CENPP: variants seen among roughly 807,000 people sequenced by gnomAD.
CENPP encodes centromere protein P.
CENPP carries 24 observed loss-of-function variants against 35.6 expected under a neutral mutation model. That is an observed-to-expected ratio of 0.67 (90% confidence interval 0.49 to 0.95). The LOEUF is 0.95. CENPP is among the 40% of genes least tolerant of loss of function. The pLI is 0.00. For missense variants in CENPP, 332 were observed against 345.3 expected, an observed-to-expected ratio of 0.96 and a Z score of 0.31; for synonymous variants, 120 against 125.5, an observed-to-expected ratio of 0.96 and a Z score of 0.29.
chr9:92,522,549 GTC>G (rs771860993), intron 5 of CENPP: 3 of 1,548,224 alleles, frequency 1.9e-6, no homozygotes, highest in Non-Finnish European at 2.6e-6. Flanking sequence ...CCCTCTTTCT[GTC>G]TCTCTCTCAT....
At chr9:92,486,903 T>C (rs1041634060) in intron 5 of CENPP, among the ~76,000 whole-genome samples, 2 of 151,796 alleles carry the variant, frequency 1.3e-5, no homozygotes, top group Non-Finnish European at 2.9e-5. Context: ...TGCCTCAGCC[T>C]CCTGAGTAGC....
chr9:92,490,994 G>T (rs1375125710), intron 5 of CENPP, among the ~76,000 whole-genome samples: 1 of 152,112 alleles, frequency 6.6e-6, no homozygotes, highest in Non-Finnish European at 1.5e-5. Context: ...AGCTGAACCA[G>T]TTTTGACTGG....
chr9:92,446,811 T>TAA (rs1844562963), intron 5 of CENPP, among the ~76,000 whole-genome samples: 1 of 95,154 alleles, frequency 1.1e-5, no homozygotes. Flanking sequence ...ACTCTGTCTC[T>TAA]TAAAAAAAAA....
chr9:92,326,884 A>AT (rs1840544465), intron 1 of CENPP, among the ~76,000 whole-genome samples: 2 of 152,188 alleles, frequency 1.3e-5, no homozygotes, highest in Non-Finnish European at 2.9e-5. Flanking sequence ...AAAGAATGGG[A>AT]TTTTTCCTGA....
intron 5 of CENPP, among the ~76,000 whole-genome samples, chr9:92,497,874 TA>T (rs71362393): frequency 0.08 from 10,837 of 134,848 alleles, 592 homozygotes; most frequent in African/African-American, 0.16. Flanking sequence ...GCTGGTTGTT[TA>T]AAAAAAAAAA....
At chr9:92,325,661 T>G, upstream of CENPP, 1 of 296,982 alleles carries the variant, frequency 3.4e-6, no homozygotes, top group Non-Finnish European at 6.4e-6. Flanking sequence ...GCCTCTTTAG[T>G]GAGGCACGCG....
chr9:92,476,918 C>T lies in CENPP; in HGVS notation c.564+97059C>T, dbSNP rs781706096. Among the ~76,000 whole-genome samples, 18 of 152,300 alleles carry T rather than the reference C, an allele frequency of 1.2e-4. No homozygotes were observed. The highest frequency in any genetic ancestry group is 2.1e-4 in the South Asian group (1 of 4,826). On this transcript the variant is annotated intron_variant, in intron 5 of 7. Coordinates refer to ENST00000375587, the MANE Select transcript of CENPP (RefSeq NM_001012267.3). This position sits in a 1 kb window ranked among gnomAD's most constrained non-coding sequence, Gnocchi z 4.1. ...TCCAGAAATCTCGTGGCTTCATGGG[C>T]ATACTCTGTCATTTTTTCTTATCTA...
intron 5 of CENPP, among the ~76,000 whole-genome samples, chr9:92,605,139 C>T (rs972562613): frequency 6.6e-6 from 1 of 152,006 alleles, no homozygotes; most frequent in African/African-American, 2.4e-5. Flanking sequence ...CACCACCACA[C>T]CTGGCTAATT....
intron 5 of CENPP, among the ~76,000 whole-genome samples, chr9:92,420,085 CT>C (rs1489924083): frequency 6.6e-6 from 1 of 152,112 alleles, no homozygotes; most frequent in Non-Finnish European, 1.5e-5. Flanking sequence ...TTCCTTCATT[CT>C]TCCTCACCAT....
rs368163044 is a variant in CENPP, at chr9:92,404,432, A to G, written c.564+24573A>G. 5.7e-6 allele frequency: 6 copies of G among 1,051,678 alleles called. No individual in the cohort carries two copies. In the African/African-American group the frequency reaches 6.9e-5, roughly 12 times the overall value. 65.1% of individuals were successfully genotyped at this position (1,051,678 alleles called of 1,614,324 possible). A position where few individuals can be genotyped will look rare whatever the true frequency, so the allele number is the denominator to read the frequency against. On this transcript the variant is annotated intron_variant, in intron 5 of 7. Coordinates refer to ENST00000375587, the MANE Select transcript of CENPP (RefSeq NM_001012267.3). ...GATGGCCTTTACATTTATTAAGACTATTAGATGAGTCAGTCGCACTTTAAC... is the reference window on the plus strand; with the variant it reads ...GATGGCCTTTACATTTATTAAGACTGTTAGATGAGTCAGTCGCACTTTAAC...
intron 5 of CENPP, chr9:92,403,404 T>C: frequency 3.8e-6 from 6 of 1,595,198 alleles, no homozygotes; most frequent in Non-Finnish European, 5.1e-6. Context: ...TGCAGAGTCT[T>C]CATTTTAGCA....
upstream of CENPP, chr9:92,325,775 A>G (rs917116323): frequency 5.7e-6 from 3 of 530,664 alleles, no homozygotes; most frequent in African/African-American, 6.1e-5. Flanking sequence ...CTGCTTAGAC[A>G]GCCAGGGAAA....
At chr9:92,597,195 C>T (rs1206545047) in intron 5 of CENPP, among the ~76,000 whole-genome samples, 1 of 151,994 alleles carries the variant, frequency 6.6e-6, no homozygotes, top group Non-Finnish European at 1.5e-5. Flanking sequence ...TATTCTGAGC[C>T]TTAGTTTCAT....
At chr9:92,454,259 C>T (rs1322121536) in intron 5 of CENPP, among the ~76,000 whole-genome samples, 1 of 152,162 alleles carries the variant, frequency 6.6e-6, no homozygotes, top group African/African-American at 2.4e-5. Flanking sequence ...ACATAAACCT[C>T]AGTGAATTAA....
chr9:92,492,762 G>GCAC (rs1846208588), intron 5 of CENPP, among the ~76,000 whole-genome samples: 1 of 152,166 alleles, frequency 6.6e-6, no homozygotes, highest in Non-Finnish European at 1.5e-5. Flanking sequence ...AGCAGGAGGA[G>GCAC]CACCAGCCTC....
At chr9:92,533,345 A>G (rs1284050770) in intron 5 of CENPP, among the ~76,000 whole-genome samples, 3 of 128,248 alleles carry the variant, frequency 2.3e-5, no homozygotes, top group Admixed American at 8.1e-5. Context: ...ATATATATAT[A>G]TATATATATA....
intron 2 of CENPP, among the ~76,000 whole-genome samples, chr9:92,337,267 G>A (rs761111911): frequency 2.0e-5 from 3 of 151,816 alleles, no homozygotes; most frequent in Admixed American, 6.6e-5. Flanking sequence ...GCAGCGAGTC[G>A]AGATCGCACC....
At position 92,388,764 on chromosome 9, in the gene CENPP, G is replaced by A. The variant is rs563593918; in HGVS notation, c.564+8905G>A. 1.7e-3 allele frequency among the ~76,000 whole-genome samples: 259 copies of A among 150,744 alleles called. 1 individual carries two copies. The highest frequency in any genetic ancestry group is 3.1e-3 in the Non-Finnish European group (209 of 67,754). ...GGAGAATTGCTCAAACCTGGGAGGCGGAGGTTGCAGTAAGCCAAGATCACG... is the reference window on the plus strand; with the variant it reads ...GGAGAATTGCTCAAACCTGGGAGGCAGAGGTTGCAGTAAGCCAAGATCACG... On this transcript the variant is annotated intron_variant, in intron 5 of 7. Coordinates refer to ENST00000375587, the MANE Select transcript of CENPP (RefSeq NM_001012267.3).
chr9:92,423,664 A>G (rs930401507), intron 5 of CENPP, among the ~76,000 whole-genome samples: 1 of 152,190 alleles, frequency 6.6e-6, no homozygotes, highest in South Asian at 2.1e-4. Flanking sequence ...AGATCCTTCA[A>G]TAGACTAGAT....
Sources: gnomAD v4.1 joint callset for allele counts (sites outside exome capture counted in the v4.1 genomes callset) on GRCh38, gnomAD v4.1.1 for gene constraint, Gnocchi (gnomAD v3.1) non-coding constraint, MANE v1.5 for transcripts, NCBI Gene and HGNC (gene_info 2026-07-23, HGNC 2026-07-21) for gene names.